CSRNP2: variants seen among roughly 807,000 people sequenced by gnomAD.
The protein encoded by CSRNP2 is cysteine/serine-rich nuclear protein 2.
Under a neutral mutation model 36.6 loss-of-function variants are expected in CSRNP2, and 11 were observed. The observed-to-expected ratio is 0.30, with a 90% CI of 0.19 to 0.50. The LOEUF (loss-of-function observed/expected upper bound fraction) is 0.50, where lower values mean the gene tolerates loss of function less well. Among genes scored for constraint, CSRNP2 ranks in the 20% least tolerant of loss-of-function variants. CSRNP2 has a pLI of 0.98. For missense variants in CSRNP2, 483 were observed against 691.4 expected (o/e 0.70, Z 3.38); for synonymous variants, 248 against 275.3 (o/e 0.90, Z 0.98).
At chr12:51,072,645 CGAA>C (rs11403382) in intron 3 of CSRNP2, among the ~76,000 whole-genome samples, 78 of 148,144 alleles carry the variant, frequency 5.3e-4, no homozygotes, top group African/African-American at 1.8e-3. Context: ...CTCTCTCTCT[CGAA>C]GAAGAGGTGG....
intron 1 of CSRNP2, among the ~76,000 whole-genome samples, chr12:51,079,336 T>C (rs1365030323): frequency 1.3e-5 from 2 of 150,882 alleles, no homozygotes; most frequent in African/African-American, 4.9e-5. Context: ...GTTGTGCACA[T>C]ATACCCTAGA....
intron 4 of CSRNP2, among the ~76,000 whole-genome samples, chr12:51,065,942 T>A (rs1938181116): frequency 6.6e-6 from 1 of 152,210 alleles, no homozygotes; most frequent in Non-Finnish European, 1.5e-5. Context: ...ACACCCTCAA[T>A]AATTAAGTTC....
Position 51,063,846 on chromosome 12 carries a change from C to G in CSRNP2, c.1532G>C (p.Arg511Pro). 1 of 1,613,842 alleles carries G rather than the reference C, an allele frequency of 6.2e-7. No individual in the cohort carries two copies. The highest frequency in any genetic ancestry group is 8.5e-7 in the Non-Finnish European group (1 of 1,179,898). Residue 511 changes from arginine (R) to proline (P), a missense_variant, in exon 5 of 5, where the codon CGC becomes CCC. Arg to Pro is a moderately radical substitution (Grantham distance 103). Transcript: ENST00000228515. Reference sequence around the variant, plus strand: ...CCCACAGCCCTCTTCATTGTCCGTGCGGAAGGGGAGGCTTGAGGGGGACCA... The same window carrying G: ...CCCACAGCCCTCTTCATTGTCCGTGGGGAAGGGGAGGCTTGAGGGGGACCA... ...PSWSPSSLPF[R>P]TDNEEGCGMV...
intron 2 of CSRNP2, among the ~76,000 whole-genome samples, chr12:51,074,825 G>T (rs1350322510): frequency 2.0e-5 from 3 of 151,968 alleles, no homozygotes; most frequent in African/African-American, 7.2e-5. Flanking sequence ...CCAGCACTTT[G>T]GGAAGCCGAG....
chr12:51,067,027 G>A lies in CSRNP2; in HGVS notation c.708+646C>T, dbSNP rs568063271. On this transcript the variant is annotated intron_variant, in intron 4 of 4. Transcript: ENST00000228515. This position sits in a 1 kb window ranked among gnomAD's most constrained non-coding sequence, Gnocchi z 4.1. Reference sequence around the variant, plus strand: ...GTATTTTTTGTAAAGATGGGGCTTAGCCATGTTGCCCAGGCTGGTCTCGAA... The same window carrying A: ...GTATTTTTTGTAAAGATGGGGCTTAACCATGTTGCCCAGGCTGGTCTCGAA... 1.5e-3 allele frequency among the ~76,000 whole-genome samples: 234 copies of A among 152,098 alleles called. No homozygotes were observed. Among genetic ancestry groups the A allele is most frequent in the Non-Finnish European group, 2.9e-3 (194 of 67,980 alleles).
intron 1 of CSRNP2, among the ~76,000 whole-genome samples, chr12:51,080,601 G>T (rs1317022071): frequency 6.6e-6 from 1 of 152,214 alleles, no homozygotes; most frequent in Non-Finnish European, 1.5e-5. Context: ...ATGGCTATGT[G>T]TGTAAATAAC....
chr12:51,075,297 A>G (rs1939348786), intron 2 of CSRNP2, among the ~76,000 whole-genome samples: 1 of 151,948 alleles, frequency 6.6e-6, no homozygotes, highest in Admixed American at 6.6e-5. Flanking sequence ...TTTTTTGTAG[A>G]GACGAGGTTT....
intron 4 of CSRNP2, 28 bp from the exon 5 acceptor site, chr12:51,064,697 A>G: frequency 6.7e-7 from 1 of 1,494,802 alleles, no homozygotes; most frequent in Non-Finnish European, 8.9e-7. Context: ...GGTTGGGGCA[A>G]GATGAGACCT....
chr12:51,074,886 G>A (rs1318778543), intron 2 of CSRNP2, among the ~76,000 whole-genome samples: 1 of 151,894 alleles, frequency 6.6e-6, no homozygotes, highest in Non-Finnish European at 1.5e-5. Flanking sequence ...CCTACAGGAT[G>A]AAACCCCATC....
intron 1 of CSRNP2, among the ~76,000 whole-genome samples, chr12:51,079,015 C>G (rs376036123): frequency 1.7e-4 from 26 of 152,148 alleles, no homozygotes; most frequent in East Asian, 1.5e-3. Flanking sequence ...AAATGTGGCA[C>G]ATATACACCA....
chr12:51,062,149 C>T lies in CSRNP2; in HGVS notation c.*1597G>A, dbSNP rs1937633221. 6.6e-6 allele frequency: 1 copy of T among 152,164 alleles called. No individual in the cohort carries two copies. The highest frequency in any genetic ancestry group is 1.5e-5 in the Non-Finnish European group (1 of 68,030). The allele number at this position is 152,164 out of a possible 1,614,324, so 9.4% of individuals were successfully genotyped here. A position where few individuals can be genotyped will look rare whatever the true frequency, so the allele number is the denominator to read the frequency against. ...TTTCAGGCTCAGAGTTTAGAGACTT[C>T]AGGGGTGAAATGCTGCTGCGACATA... On this transcript the variant is annotated 3_prime_UTR_variant, in exon 5 of 5. Coordinates refer to ENST00000228515, the MANE Select transcript of CSRNP2 (RefSeq NM_030809.3).
At chr12:51,066,518 G>A (rs1035863934) in intron 4 of CSRNP2, among the ~76,000 whole-genome samples, 10 of 150,634 alleles carry the variant, frequency 6.6e-5, no homozygotes, top group Admixed American at 6.0e-4. Flanking sequence ...GTGCACACCT[G>A]TAATCCCAGC....
chr12:51,070,665 T>C (rs1939080536), intron 3 of CSRNP2, among the ~76,000 whole-genome samples: 1 of 152,198 alleles, frequency 6.6e-6, no homozygotes, highest in African/African-American at 2.4e-5. Flanking sequence ...GAGTTCCATA[T>C]GGATAACAGG....
chr12:51,078,796 T>C (rs1237142566), intron 1 of CSRNP2, among the ~76,000 whole-genome samples: 1 of 152,200 alleles, frequency 6.6e-6, no homozygotes, highest in Non-Finnish European at 1.5e-5. Flanking sequence ...AGTTCAACCA[T>C]TGTGGAAGAC....
intron 2 of CSRNP2, among the ~76,000 whole-genome samples, chr12:51,075,258 C>T (rs1939347565): frequency 6.6e-6 from 1 of 151,894 alleles, no homozygotes; most frequent in Admixed American, 6.6e-5. Context: ...ACTACAGTTG[C>T]ACACCACCAC....
At position 51,080,072 on chromosome 12, in the gene CSRNP2, CAAAAAAAAAA is replaced by C. The variant is rs1173559322; in HGVS notation, c.-87+3257_-87+3266del. ...TGGGCGGCAGAGTAAGACTCTGTCT[CAAAAAAAAAA>C]AAAAAAAAAAAAAAAAAGAGGGAGG... On this transcript the variant is annotated intron_variant, in intron 1 of 4. Transcript: ENST00000228515. Among the ~76,000 whole-genome samples, 50 of 54,988 alleles carry C rather than the reference CAAAAAAAAAA, an allele frequency of 9.1e-4. 2 individuals are homozygous for C. Among genetic ancestry groups the C allele is most frequent in the African/African-American group, 2.9e-3 (41 of 13,948 alleles). 36.1% of individuals were successfully genotyped at this position (54,988 alleles called of 152,430 possible). A position where few individuals can be genotyped will look rare whatever the true frequency, so the allele number is the denominator to read the frequency against.
At chr12:51,073,286 G>A (rs1447812886) in intron 3 of CSRNP2, among the ~76,000 whole-genome samples, 2 of 151,964 alleles carry the variant, frequency 1.3e-5, no homozygotes, top group African/African-American at 4.8e-5. Context: ...GGTTTGGGAG[G>A]GGGAAATTCT....
chr12:51,077,959 G>A (rs1939459924), intron 1 of CSRNP2, among the ~76,000 whole-genome samples: 2 of 152,202 alleles, frequency 1.3e-5, no homozygotes, highest in South Asian at 4.1e-4. Context: ...AGTTCCAGAA[G>A]GACACGAATC....
At chr12:51,081,487 G>A (rs1396090111) in intron 1 of CSRNP2, 1 of 152,178 alleles carries the variant, frequency 6.6e-6, no homozygotes, top group Non-Finnish European at 1.5e-5. Flanking sequence ...ACACTTGTAA[G>A]TTTTAGCACC....
Sources: gnomAD v4.1 joint callset for allele counts (sites outside exome capture counted in the v4.1 genomes callset) on GRCh38, gnomAD v4.1.1 for gene constraint, Gnocchi (gnomAD v3.1) non-coding constraint, MANE v1.5 for transcripts, NCBI Gene and HGNC (gene_info 2026-07-23, HGNC 2026-07-21) for gene names.